The following LRP2 variants were observed in gnomAD, a reference collection of about 807,000 sequenced individuals.
The protein encoded by LRP2 is LDL receptor related protein 2.
A neutral mutation model predicts 531.0 loss-of-function variants in LRP2; 172 were observed. That is an observed-to-expected ratio of 0.32 (90% CI 0.29 to 0.37). The LOEUF (loss-of-function observed/expected upper bound fraction) is 0.37. Ranked by LOEUF, LRP2 falls within the 10% of genes least tolerant of loss-of-function variation. The pLI is 1.00. For missense variants in LRP2, 5,167 were observed against 5,868.3 expected, an observed-to-expected ratio of 0.88 and a Z score of 3.90; for synonymous variants, 1,992 against 2,027.6, an observed-to-expected ratio of 0.98 and a Z score of 0.47.
chr2:169,336,335 C>G (rs1229745787), intron 1 of LRP2, among the ~76,000 whole-genome samples: 1 of 151,784 alleles, frequency 6.6e-6, no homozygotes, highest in African/African-American at 2.4e-5. Context: ...GTCAGGAGTT[C>G]AACACCAGCC....
chr2:169,347,647 G>C (rs1685730349), intron 1 of LRP2, among the ~76,000 whole-genome samples: 1 of 151,884 alleles, frequency 6.6e-6, no homozygotes, highest in South Asian at 2.1e-4. Context: ...ACCCAGCAGA[G>C]AGAAATCAAT....
At chr2:169,172,342 A>G (rs1392696686) in intron 57 of LRP2, among the ~76,000 whole-genome samples, 1 of 152,164 alleles carries the variant, frequency 6.6e-6, no homozygotes, top group Non-Finnish European at 1.5e-5. Context: ...ATCCATTCCC[A>G]TTGGTAGAAA....
chr2:169,308,932 A>G (rs1574243004), intron 3 of LRP2, among the ~76,000 whole-genome samples: 1 of 151,954 alleles, frequency 6.6e-6, no homozygotes, highest in Non-Finnish European at 1.5e-5. Flanking sequence ...GTGTGAGATG[A>G]TATCTCATTG....
intron 44 of LRP2, 44 bp downstream of exon 44, chr2:169,201,584 G>A (rs368629923): frequency 6.1e-5 from 99 of 1,613,116 alleles, no homozygotes; most frequent in Non-Finnish European, 7.5e-5. Flanking sequence ...TGTGATCCAA[G>A]ACTTCAGACC....
chr2:169,173,279 C>G, intron 56 of LRP2, 55 bp from the exon 57 acceptor site: 3 of 1,608,178 alleles, frequency 1.9e-6, no homozygotes, highest in Non-Finnish European at 2.5e-6. Context: ...AAGCACCTTT[C>G]CATTGTCACA....
chr2:169,138,543 A>T, intron 75 of LRP2, 34 bp downstream of exon 75: 1 of 1,611,374 alleles, frequency 6.2e-7, no homozygotes. Flanking sequence ...TATAAATGAC[A>T]ACCTTCAAAT....
intron 68 of LRP2, 30 bp downstream of exon 68, chr2:169,150,868 T>A: frequency 1.2e-6 from 2 of 1,613,148 alleles, no homozygotes; most frequent in African/African-American, 2.7e-5. Flanking sequence ...GAGAAATATC[T>A]AGATGTTGAA....
At position 169,130,804 on chromosome 2, in the gene LRP2, G is replaced by C. The variant is rs118148762; in HGVS notation, c.13729-1720C>G. The stretch of plus-strand genomic sequence containing the variant: ...TTTAGAGGGTCTCAGCCTCACTAAT[G>C]TAAAAAAGTAAGAGGAGGAACCAAG... On this transcript the variant is annotated intron_variant, in intron 77 of 78. Coordinates refer to ENST00000649046, the MANE Select transcript of LRP2 (RefSeq NM_004525.3). Among the ~76,000 whole-genome samples the C allele has an allele frequency of 1.5e-3, 234 of 152,278 alleles. 5 individuals carry two copies. The East Asian group carries it at 0.043, about 28-fold the overall frequency.
intron 45 of LRP2, 31 bp downstream of exon 45, chr2:169,198,755 G>C (rs377694673): frequency 6.2e-7 from 1 of 1,610,254 alleles, no homozygotes; most frequent in Admixed American, 1.7e-5. Context: ...TCTCTGGAAC[G>C]ATAGAAAGAA....
intron 47 of LRP2, among the ~76,000 whole-genome samples, chr2:169,192,365 T>C (rs1244799625): frequency 1.3e-5 from 2 of 152,340 alleles, no homozygotes; most frequent in East Asian, 3.9e-4. Context: ...GAATGCCTTA[T>C]ATTTTGGTAA....
At chr2:169,231,596 C>T in intron 31 of LRP2, 118 bp downstream of exon 31, 1 of 1,258,328 alleles carries the variant, frequency 7.9e-7, no homozygotes, top group Non-Finnish European at 1.2e-6. Flanking sequence ...TCTGCAGACA[C>T]CTGAGGAATC....
chr2:169,238,217 T>G lies in LRP2; in HGVS notation c.4380A>C (p.Ser1460=), dbSNP rs1414608321. ...SVTSQVHNIY[S]LVENGSYIVA... is the part of the protein sequence containing the mutation. ...CAATGTAAGAACCATTCTCGACCAA[T>G]GAATAGATATTGTGGACCTGGGAGG... is the stretch of plus-strand genomic sequence containing the variant. The change falls in exon 27 of 79, where the codon TCA becomes TCC. Residue 1460 remains serine, a synonymous_variant. Coordinates refer to ENST00000649046, the MANE Select transcript of LRP2 (RefSeq NM_004525.3). 1.2e-6 allele frequency: 2 copies of G among 1,614,144 alleles called. No homozygotes were observed. Among genetic ancestry groups the G allele is most frequent in the Admixed American group, 3.3e-5 (2 of 60,018 alleles).
chr2:169,256,053 T>A (rs899627141), intron 19 of LRP2, 53 bp downstream of exon 19: 1 of 1,590,380 alleles, frequency 6.3e-7, no homozygotes, highest in African/African-American at 1.3e-5. Flanking sequence ...AGTTTACTAT[T>A]GTAACTTGCA....
intron 1 of LRP2, among the ~76,000 whole-genome samples, chr2:169,342,939 G>C (rs1429940475): frequency 6.6e-6 from 1 of 152,170 alleles, no homozygotes; most frequent in African/African-American, 2.4e-5. Context: ...TTTTGCAAGA[G>C]AGAAAACTCT....
chr2:169,192,361 C>T (rs954594644), intron 47 of LRP2, among the ~76,000 whole-genome samples: 4 of 152,112 alleles, frequency 2.6e-5, no homozygotes, highest in African/African-American at 9.7e-5. Context: ...TACCGAATGC[C>T]TTATATTTTG....
chr2:169,243,313 T>C (rs1689879968), intron 23 of LRP2, 90 bp downstream of exon 23: 2 of 1,465,320 alleles, frequency 1.4e-6, no homozygotes, highest in African/African-American at 1.4e-5. Flanking sequence ...CAGGCCCCGG[T>C]GTGTGATGTT....
At chr2:169,339,521 C>G (rs1418784508) in intron 1 of LRP2, among the ~76,000 whole-genome samples, 1 of 152,110 alleles carries the variant, frequency 6.6e-6, no homozygotes, top group Non-Finnish European at 1.5e-5. Context: ...GTTTTTAAGA[C>G]ATTTTCAACA....
intron 36 of LRP2, 100 bp downstream of exon 36, chr2:169,213,557 T>TA: frequency 1.1e-6 from 1 of 943,884 alleles, no homozygotes; most frequent in South Asian, 1.3e-5. Flanking sequence ...TATGCACGTG[T>TA]ATGTACGTGA....
At chr2:169,315,000 C>T (rs1213698633) in intron 3 of LRP2, among the ~76,000 whole-genome samples, 1 of 152,156 alleles carries the variant, frequency 6.6e-6, no homozygotes. Context: ...CGTTCAATTA[C>T]CTTGGCTTTC....
Sources: allele counts gnomAD v4.1 joint callset (sites outside exome capture counted in the v4.1 genomes callset), GRCh38; gene constraint gnomAD v4.1.1; transcripts MANE v1.5; gene names NCBI Gene and HGNC (gene_info 2026-07-23, HGNC 2026-07-21).